Variants in USH2A observed in about 807,000 individuals in gnomAD.
USH2A encodes the protein usherin, also known as Usher syndrome 2A (autosomal recessive, mild).
In USH2A, 443 loss-of-function variants were observed where a neutral mutation model predicts 538.9. The observed-to-expected ratio is 0.82, with a 90% CI of 0.76 to 0.89. The LOEUF (loss-of-function observed/expected upper bound fraction) is 0.89, where lower values mean the gene tolerates loss of function less well. Among genes scored for constraint, USH2A ranks in the 40% least tolerant of loss-of-function variants. The pLI is 0.00. For synonymous variants in USH2A, 2,413 were observed against 2,273.5 expected (o/e 1.06, Z -1.75); for missense variants, 6,633 against 6,324.8 (o/e 1.05, Z -1.65).
chr1:216,220,479 G>T (rs2035435111), intron 14 of USH2A, among the ~76,000 whole-genome samples: 1 of 150,614 alleles, frequency 6.6e-6, no homozygotes, highest in Non-Finnish European at 1.5e-5. Context: ...TAACTAGTCT[G>T]GTAGCAGAAG....
In USH2A at chr1:215,900,878, A is replaced by C. The variant is rs747587687; in HGVS notation, c.7328T>G (p.Leu2443Arg). The change falls in exon 39 of 72, where the codon CTT (leucine) becomes CGT (arginine). Residue 2443 changes from leucine to arginine, a missense_variant. Coordinates refer to ENST00000307340, the MANE Select transcript of USH2A (RefSeq NM_206933.4). ...GAPDGVLPPR[L>R]SSATPTSLQV... is the part of the protein sequence containing the mutation. ...AAGACTGGTTGGAGTGGCAGATGAA[A>C]GCCTGGGAGGCAGCACGCCATCTGG... 7.4e-6 allele frequency: 12 copies of C among 1,613,544 alleles called. No homozygotes were observed. In the Middle Eastern group the frequency reaches 8.3e-4, roughly 111 times the overall value.
intron 20 of USH2A, among the ~76,000 whole-genome samples, chr1:216,187,535 A>T (rs2102652419): frequency 6.6e-6 from 1 of 152,044 alleles, no homozygotes; most frequent in African/African-American, 2.4e-5. Flanking sequence ...TTCAGATTTT[A>T]AGCCTTTCTA....
chr1:215,903,786 T>A (rs1462909366), intron 38 of USH2A, among the ~76,000 whole-genome samples: 1 of 152,050 alleles, frequency 6.6e-6, no homozygotes. Flanking sequence ...AAATGGAGGC[T>A]TGAAGAAAGA....
intron 21 of USH2A, among the ~76,000 whole-genome samples, chr1:216,107,319 C>T (rs569091832): frequency 2.6e-5 from 4 of 151,900 alleles, no homozygotes; most frequent in African/African-American, 9.6e-5. Flanking sequence ...TCTATTACTA[C>T]ATATAAGCAC....
chr1:215,978,413 T>C (rs1667672277), intron 35 of USH2A, among the ~76,000 whole-genome samples: 1 of 152,158 alleles, frequency 6.6e-6, no homozygotes, highest in South Asian at 2.1e-4. Context: ...GGAATTTCAC[T>C]TGAATTAAGA....
intron 3 of USH2A, among the ~76,000 whole-genome samples, chr1:216,369,486 T>C (rs1230485346): frequency 6.6e-6 from 1 of 152,248 alleles, no homozygotes; most frequent in African/African-American, 2.4e-5. Flanking sequence ...TCTCATGATG[T>C]GTTCAAGCTA....
intron 21 of USH2A, among the ~76,000 whole-genome samples, chr1:216,170,627 A>C (rs1387190855): frequency 1.3e-5 from 2 of 152,062 alleles, no homozygotes; most frequent in Non-Finnish European, 1.5e-5. Context: ...CCTTCCCCCA[A>C]ATGATCATGG....
At position 216,321,923 on chromosome 1, in the gene USH2A, C is replaced by CTA; in HGVS notation, c.1602_1603dup (p.Arg535IlefsTer57). The CTA allele has an allele frequency of 1.2e-6, 2 of 1,613,860 alleles. No individual in the cohort carries two copies. Among genetic ancestry groups the CTA allele is most frequent in the Non-Finnish European group, 1.7e-6 (2 of 1,179,868 alleles). ...GAAGCTCTCCTGGGAGCAGAGGCATCTATATGGCTGGCTTGTTGTGTCGCA... is the reference window on the plus strand; with the variant it reads ...GAAGCTCTCCTGGGAGCAGAGGCATCTATATATGGCTGGCTTGTTGTGTCGCA... On this transcript the variant is annotated frameshift_variant, in exon 9 of 72. Coordinates refer to ENST00000307340, the MANE Select transcript of USH2A (RefSeq NM_206933.4). LOFTEE classifies it high-confidence loss of function.
intron 37 of USH2A, among the ~76,000 whole-genome samples, chr1:215,940,570 G>A (rs1666608289): frequency 6.6e-6 from 1 of 152,094 alleles, no homozygotes; most frequent in Non-Finnish European, 1.5e-5. Context: ...TATGGTGAAA[G>A]AAATCTATTC....
In USH2A at chr1:215,640,701, C is replaced by T. The variant is rs2102636091; in HGVS notation, c.14825G>A (p.Ser4942Asn). 1.9e-6 allele frequency: 3 copies of T among 1,613,794 alleles called. No homozygotes were observed. Among genetic ancestry groups the T allele is most frequent in the Non-Finnish European group, 1.7e-6 (2 of 1,179,974 alleles). ...PQYRAPFSVD[S>N]NLSVVCVNWS... ...GTTCACACACACCACAGACAAATTG[C>T]TGTCCACCGAAAATGGGGCTCGGTA... is the stretch of plus-strand genomic sequence containing the variant. The change falls in exon 68 of 72, where the codon AGC (serine) becomes AAC (asparagine). Residue 4942 changes from serine (S) to asparagine (N), a missense_variant. Coordinates refer to ENST00000307340, the MANE Select transcript of USH2A (RefSeq NM_206933.4).
intron 14 of USH2A, among the ~76,000 whole-genome samples, chr1:216,223,295 T>C (rs2035494430): frequency 6.6e-6 from 1 of 152,204 alleles, no homozygotes; most frequent in Non-Finnish European, 1.5e-5. Flanking sequence ...GTTGAATAAA[T>C]GCTACTAATA....
chr1:215,643,780 T>C (rs1010274504), intron 67 of USH2A, among the ~76,000 whole-genome samples: 7 of 152,258 alleles, frequency 4.6e-5, no homozygotes, highest in Non-Finnish European at 8.8e-5. Flanking sequence ...TCCTCCCCCA[T>C]TGGCTTCCCA....
intron 38 of USH2A, among the ~76,000 whole-genome samples, chr1:215,934,400 G>A (rs1666439269): frequency 6.6e-6 from 1 of 151,858 alleles, no homozygotes. Context: ...CACAGTGTGA[G>A]GTGGATGAAA....
rs1228340431 is a variant in USH2A at position 216,174,211 on chromosome 1, CAT to C, written c.4627+1039_4627+1040del. The C allele has an allele frequency of 6.1e-6, 6 of 985,184 alleles. No homozygotes were observed. In the African/African-American group the frequency reaches 1.0e-4, roughly 17 times the overall value. 61.0% of individuals were successfully genotyped at this position (985,184 alleles called of 1,614,324 possible). On this transcript the variant is annotated intron_variant, in intron 21 of 71. Transcript: ENST00000307340. ...CTCGAATTCCATTTCATTGTCTTCA[CAT>C]ATGCAATATTTTAAAGACTAGCTAT... is the stretch of plus-strand genomic sequence containing the variant.
intron 3 of USH2A, among the ~76,000 whole-genome samples, chr1:216,365,310 A>G (rs1002055647): frequency 3.3e-5 from 5 of 152,118 alleles, no homozygotes; most frequent in Admixed American, 3.3e-4. Context: ...CAGGGTGTTC[A>G]CAGGTATACA....
chr1:215,728,419 T>C (rs1446107223), intron 60 of USH2A, 35 bp from the exon 61 acceptor site: 1 of 1,602,108 alleles, frequency 6.2e-7, no homozygotes, highest in Non-Finnish European at 8.5e-7. Flanking sequence ...CAGTGACAGC[T>C]GCACACTTCA....
chr1:216,410,336 C>A (rs2039466977), intron 3 of USH2A, among the ~76,000 whole-genome samples: 1 of 152,062 alleles, frequency 6.6e-6, no homozygotes, highest in South Asian at 2.1e-4. Context: ...TTATACCCAG[C>A]AATTCCATTC....
chr1:215,937,354 T>C (rs774007001), intron 37 of USH2A, among the ~76,000 whole-genome samples: 1 of 152,110 alleles, frequency 6.6e-6, no homozygotes, highest in African/African-American at 2.4e-5. Flanking sequence ...TAAAAAGACA[T>C]TTCCAATTTA....
At chr1:215,750,282 G>A (rs1660585885) in intron 58 of USH2A, among the ~76,000 whole-genome samples, 1 of 152,042 alleles carries the variant, frequency 6.6e-6, no homozygotes, top group Non-Finnish European at 1.5e-5. Context: ...CCAATTGTAT[G>A]GAAATTTAAC....
Sources: gnomAD v4.1 joint callset for allele counts (sites outside exome capture counted in the v4.1 genomes callset) on GRCh38, gnomAD v4.1.1 for gene constraint, MANE v1.5 for transcripts, NCBI Gene and HGNC (gene_info 2026-07-23, HGNC 2026-07-21) for gene names.